KIF16B: variants seen among roughly 807,000 people sequenced by gnomAD.
The protein encoded by KIF16B is kinesin family member 16B.
In KIF16B, 98 loss-of-function variants were observed where a neutral mutation model predicts 156.3. That is an observed-to-expected ratio of 0.63 (90% CI 0.53 to 0.74). The LOEUF is 0.74. Ranked by LOEUF, KIF16B falls within the 30% of genes least tolerant of loss-of-function variation. The pLI is 0.00. For missense variants in KIF16B, 1,421 were observed against 1,606.5 expected (o/e 0.88, Z 1.97); for synonymous variants, 564 against 583.7 (o/e 0.97, Z 0.49).
At chr20:16,514,201 G>GTT (rs200560111) in intron 4 of KIF16B, among the ~76,000 whole-genome samples, 1 of 148,174 alleles carries the variant, frequency 6.7e-6, no homozygotes, top group Non-Finnish European at 1.5e-5. Context: ...TGGAAGTTTT[G>GTT]TTTTTTTTTT....
chr20:16,327,936 C>T (rs538158820), intron 24 of KIF16B, among the ~76,000 whole-genome samples: 23 of 152,038 alleles, frequency 1.5e-4, no homozygotes, highest in Non-Finnish European at 2.9e-4. Context: ...AGCAGATTTG[C>T]AATTTTTATA....
At chr20:16,353,532 A>G (rs1227702883) in intron 23 of KIF16B, among the ~76,000 whole-genome samples, 1 of 152,220 alleles carries the variant, frequency 6.6e-6, no homozygotes, top group Non-Finnish European at 1.5e-5. Flanking sequence ...CACTGTTTCA[A>G]GCACTTTACA....
At position 16,273,372 on chromosome 20, in the gene KIF16B, C is replaced by A. The variant is rs369549554; in HGVS notation, c.3835G>T (p.Ala1279Ser). The change falls in exon 26 of 26, where the codon GCA becomes TCA. Residue 1279 changes from alanine to serine, a missense_variant. By Grantham distance (99) the Ala-to-Ser change is moderately conservative. Transcript: ENST00000354981. ...TTGTTGATGTGGAGGGGAGATGTTG[C>A]GGACTGGAGCATCACGCTGAAAAAG... Reference protein sequence around the residue: ...RDFFSVMLQSATSPLHINKVG... With the variant: ...RDFFSVMLQSSTSPLHINKVG... 1.9e-6 allele frequency: 3 copies of A among 1,613,800 alleles called. No individual in the cohort carries two copies. Among genetic ancestry groups the A allele is most frequent in the Non-Finnish European group, 2.5e-6 (3 of 1,179,830 alleles).
intron 24 of KIF16B, among the ~76,000 whole-genome samples, chr20:16,332,104 A>G (rs2063958208): frequency 6.6e-6 from 1 of 152,190 alleles, no homozygotes; most frequent in South Asian, 2.1e-4. Flanking sequence ...ATGACAGGCT[A>G]CTGTGTTTTT....
rs187857677 is a variant in KIF16B, at chr20:16,456,392, C to G, written c.1303-26410G>C. Among the ~76,000 whole-genome samples the G allele has an allele frequency of 2.0e-4, 31 of 152,204 alleles. 1 individual carries two copies. In the South Asian group the frequency reaches 4.0e-3, roughly 19 times the overall value. ...GAAAAATACCACCAGAAAAGGCCCT[C>G]CATATCCTTGCTAAAAATAGTCCTG... On this transcript the variant is annotated intron_variant, in intron 12 of 25. Transcript: ENST00000354981.
At chr20:16,486,478 G>T (rs2146878666) in intron 12 of KIF16B, among the ~76,000 whole-genome samples, 2 of 152,296 alleles carry the variant, frequency 1.3e-5, no homozygotes, top group South Asian at 4.1e-4. Context: ...GTTTTCAAAA[G>T]TTTGAAAATA....
intron 25 of KIF16B, among the ~76,000 whole-genome samples, chr20:16,277,107 C>T (rs184016130): frequency 9.3e-4 from 142 of 152,236 alleles, no homozygotes; most frequent in Middle Eastern, 6.8e-3. Context: ...TTCATATGAG[C>T]GGAATCATTT....
chr20:16,465,477 G>A (rs1213114490), intron 12 of KIF16B, among the ~76,000 whole-genome samples: 1 of 152,144 alleles, frequency 6.6e-6, no homozygotes, highest in Non-Finnish European at 1.5e-5. Context: ...GGCCCCCTGT[G>A]CTAATCCTTA....
chr20:16,274,173 A>G (rs2063026837), intron 25 of KIF16B, among the ~76,000 whole-genome samples: 2 of 152,282 alleles, frequency 1.3e-5, no homozygotes, highest in African/African-American at 2.4e-5. Context: ...TCTGTTTTGA[A>G]TCCTTCTTAT....
At chr20:16,286,337 G>A (rs778291976) in intron 25 of KIF16B, among the ~76,000 whole-genome samples, 7 of 152,080 alleles carry the variant, frequency 4.6e-5, no homozygotes, top group Non-Finnish European at 7.3e-5. Flanking sequence ...ATTGTTTTCC[G>A]TGGGCACTGT....
At chr20:16,514,582 GAAAAAAA>G (rs540602451) in intron 4 of KIF16B, among the ~76,000 whole-genome samples, 6 of 76,948 alleles carry the variant, frequency 7.8e-5, no homozygotes, top group African/African-American at 1.7e-4. Context: ...TAAGAAATAA[GAAAAAAA>G]AAAAAAAAAA....
chr20:16,429,337 T>TAG (rs2066439336), intron 13 of KIF16B, among the ~76,000 whole-genome samples: 2 of 152,184 alleles, frequency 1.3e-5, no homozygotes, highest in Non-Finnish European at 2.9e-5. Context: ...TTTATGTAAG[T>TAG]CTGCAAAACA....
At chr20:16,492,842 T>C (rs1009823201) in intron 12 of KIF16B, among the ~76,000 whole-genome samples, 22 of 152,134 alleles carry the variant, frequency 1.4e-4, no homozygotes, top group African/African-American at 5.1e-4. Context: ...TTAAGTAAAG[T>C]AGATTTTAGT....
intron 25 of KIF16B, among the ~76,000 whole-genome samples, chr20:16,294,953 C>T (rs1386070904): frequency 6.6e-6 from 1 of 152,186 alleles, no homozygotes; most frequent in East Asian, 1.9e-4. Flanking sequence ...GTTGTTACCA[C>T]TTTGTCCTTA....
chr20:16,273,522 C>G, intron 25 of KIF16B, 111 bp from the exon 26 acceptor site: 1 of 801,792 alleles, frequency 1.2e-6, no homozygotes. Context: ...GAAACCTCAT[C>G]TCTACAAAAA....
At chr20:16,569,686 A>T (rs2071387798) in intron 1 of KIF16B, among the ~76,000 whole-genome samples, 1 of 152,182 alleles carries the variant, frequency 6.6e-6, no homozygotes, top group African/African-American at 2.4e-5. Flanking sequence ...CTACTCTAAA[A>T]ATAAACATTA....
intron 1 of KIF16B, among the ~76,000 whole-genome samples, chr20:16,572,860 T>TG (rs2071504660): frequency 6.9e-6 from 1 of 145,832 alleles, no homozygotes; most frequent in Non-Finnish European, 1.5e-5. Flanking sequence ...TTGGTAGAAA[T>TG]GAGGGGTTCA....
intron 15 of KIF16B, among the ~76,000 whole-genome samples, chr20:16,418,672 G>A (rs1311308023): frequency 6.6e-6 from 1 of 152,084 alleles, no homozygotes. Flanking sequence ...GACATCAGAG[G>A]ACCAAAAACT....
intron 15 of KIF16B, among the ~76,000 whole-genome samples, chr20:16,418,002 T>C (rs185888110): frequency 1.3e-5 from 2 of 151,652 alleles, no homozygotes; most frequent in East Asian, 3.9e-4. Flanking sequence ...ACTTCCCAAA[T>C]CCAGAGGAAG....
Sources: gnomAD v4.1 joint callset for allele counts (sites outside exome capture counted in the v4.1 genomes callset) on GRCh38, gnomAD v4.1.1 for gene constraint, MANE v1.5 for transcripts, NCBI Gene and HGNC (gene_info 2026-07-23, HGNC 2026-07-21) for gene names.